Variants in PCDH11X observed in about 807,000 individuals in gnomAD.
The protein encoded by PCDH11X is protocadherin 11 X-linked.
PCDH11X carries 18 observed loss-of-function variants against 53.3 expected under a neutral mutation model. That is an observed-to-expected ratio of 0.34 (90% confidence interval 0.23 to 0.50). The LOEUF is 0.50. PCDH11X is among the 20% of genes least tolerant of loss of function. The pLI, the probability that PCDH11X is intolerant of heterozygous loss-of-function variation, is 0.98. For synonymous variants in PCDH11X, 279 were observed against 393.3 expected, an observed-to-expected ratio of 0.71 and a Z score of 3.44; for missense variants, 570 against 1,032.4, an observed-to-expected ratio of 0.55 and a Z score of 6.14.
chrX:92,322,701 T>C (rs2148494875), intron 8 of PCDH11X, among the ~76,000 whole-genome samples: 1 of 111,583 alleles, frequency 9.0e-6, no homozygotes, highest in South Asian at 3.8e-4. Flanking sequence ...ATACTATTAT[T>C]AATAACGCTC....
At chrX:92,273,452 T>A (rs12845649) in intron 8 of PCDH11X, among the ~76,000 whole-genome samples, 3,862 of 111,556 alleles carry the variant, frequency 0.035, 127 homozygotes, top group East Asian at 0.27. Flanking sequence ...ACTTCAGGCC[T>A]TCTGGTCCTT....
intron 6 of PCDH11X, among the ~76,000 whole-genome samples, chrX:92,032,607 T>C (rs1168544965): frequency 9.0e-6 from 1 of 111,136 alleles, no homozygotes; most frequent in Non-Finnish European, 1.9e-5. Context: ...AGTATGATAC[T>C]CAATGTGGGC....
At chrX:92,508,611 G>C (rs958542561) in intron 10 of PCDH11X, among the ~76,000 whole-genome samples, 2 of 109,616 alleles carry the variant, frequency 1.8e-5, no homozygotes, top group Non-Finnish European at 3.8e-5. Context: ...ATAAAGCTAA[G>C]ACTTAAATAA....
chrX:92,058,269 G>A (rs1409358706), intron 6 of PCDH11X, among the ~76,000 whole-genome samples: 1 of 110,229 alleles, frequency 9.1e-6, no homozygotes, highest in East Asian at 2.9e-4. Flanking sequence ...GGATGGAAGG[G>A]GATTGAGGAG....
At chrX:92,147,820 TTTC>T (rs1336800679) in intron 6 of PCDH11X, among the ~76,000 whole-genome samples, 10 of 83,911 alleles carry the variant, frequency 1.2e-4, no homozygotes, top group African/African-American at 5.8e-4. Flanking sequence ...CCTTTCTTTC[TTTC>T]TTTCTTTCTT....
At chrX:91,885,276 T>C (rs915517585) in intron 6 of PCDH11X, among the ~76,000 whole-genome samples, 1 of 111,648 alleles carries the variant, frequency 9.0e-6, no homozygotes, top group Non-Finnish European at 1.9e-5. Flanking sequence ...AGAACAAGTT[T>C]GCAGTTACTC....
rs187884545 is a variant in PCDH11X at position 92,402,977 on chromosome X, G to C, written c.3343+15044G>C. On this transcript the variant is annotated intron_variant, in intron 9 of 10. Coordinates refer to ENST00000682573, the MANE Select transcript of PCDH11X (RefSeq NM_032968.5). Reference sequence around the variant, plus strand: ...TTATAATTTCATATATTTGCCAAAAGTGTGTGCGTGTGTGTATATATATGT... The same window carrying C: ...TTATAATTTCATATATTTGCCAAAACTGTGTGCGTGTGTGTATATATATGT... 8.1e-3 allele frequency among the ~76,000 whole-genome samples: 895 copies of C among 109,859 alleles called. 15 individuals carry two copies. The highest frequency in any genetic ancestry group is 0.029 in the African/African-American group (865 of 30,153).
intron 10 of PCDH11X, among the ~76,000 whole-genome samples, chrX:92,525,919 T>C (rs1339988441): frequency 1.8e-5 from 2 of 110,962 alleles, no homozygotes; most frequent in Non-Finnish European, 3.8e-5. Flanking sequence ...AAACACGGAG[T>C]GCTACCGGGT....
At chrX:92,560,219 C>T (rs2075112557) in intron 10 of PCDH11X, among the ~76,000 whole-genome samples, 1 of 110,366 alleles carries the variant, frequency 9.1e-6, no homozygotes, top group Non-Finnish European at 1.9e-5. Context: ...GAAGCAAAAC[C>T]ATGGCCTTGA....
chrX:92,587,788 C>T (rs1006231938), intron 10 of PCDH11X, among the ~76,000 whole-genome samples: 2 of 108,437 alleles, frequency 1.8e-5, no homozygotes, highest in African/African-American at 6.7e-5. Context: ...TTCTATTACT[C>T]TGCTGTATAT....
chrX:92,043,709 C>A lies in PCDH11X; in HGVS notation c.3034-157666C>A, dbSNP rs765526328. 2.7e-3 allele frequency among the ~76,000 whole-genome samples: 282 copies of A among 105,539 alleles called. 1 individual carries two copies. Among genetic ancestry groups the A allele is most frequent in the Admixed American group, 6.2e-3 (59 of 9,461 alleles). The allele number at this position is 105,539 out of a possible 115,157, so 91.6% of individuals were successfully genotyped here. On this transcript the variant is annotated intron_variant, in intron 6 of 10. Coordinates refer to ENST00000682573, the MANE Select transcript of PCDH11X (RefSeq NM_032968.5). The stretch of plus-strand genomic sequence containing the variant: ...AATACTAAGTTGTCAATTTATCAGT[C>A]AAAATTATGTGTAACCGCCAGTGTA...
intron 10 of PCDH11X, among the ~76,000 whole-genome samples, chrX:92,470,015 A>C (rs1360740710): frequency 9.2e-6 from 1 of 108,507 alleles, no homozygotes. Flanking sequence ...TCTTAACAAT[A>C]TTTATTTTTC....
intron 6 of PCDH11X, among the ~76,000 whole-genome samples, chrX:92,059,307 A>G (rs909928104): frequency 1.7e-4 from 19 of 111,310 alleles, no homozygotes; most frequent in Admixed American, 3.9e-4. Flanking sequence ...ATATTACATT[A>G]TTTGATCCTC....
At chrX:92,216,404 T>C (rs2066713680) in intron 7 of PCDH11X, among the ~76,000 whole-genome samples, 1 of 104,460 alleles carries the variant, frequency 9.6e-6, no homozygotes, top group Admixed American at 1.0e-4. Flanking sequence ...ATGTGAAGAA[T>C]GCAGAAGCCT....
At chrX:92,082,150 T>C (rs1348890073) in intron 6 of PCDH11X, among the ~76,000 whole-genome samples, 1 of 110,835 alleles carries the variant, frequency 9.0e-6, no homozygotes, top group Non-Finnish European at 1.9e-5. Context: ...GTCTAACTCT[T>C]ATGCACTTAA....
At chrX:92,291,075 T>C (rs1208442581) in intron 8 of PCDH11X, among the ~76,000 whole-genome samples, 1 of 96,136 alleles carries the variant, frequency 1.0e-5, no homozygotes, top group Non-Finnish European at 2.1e-5. Flanking sequence ...CTATTTTTTG[T>C]TGTTGTTGGT....
chrX:92,329,039 A>G (rs1179805013), intron 8 of PCDH11X, among the ~76,000 whole-genome samples: 1 of 111,045 alleles, frequency 9.0e-6, no homozygotes, highest in Non-Finnish European at 1.9e-5. Flanking sequence ...ATTCTTAATG[A>G]ATATTTGGTG....
At chrX:91,886,777 C>T (rs1940219995) in intron 6 of PCDH11X, among the ~76,000 whole-genome samples, 1 of 108,738 alleles carries the variant, frequency 9.2e-6, no homozygotes, top group South Asian at 4.0e-4. Context: ...CGAGACCATC[C>T]TGGCTAACAC....
intron 4 of PCDH11X, among the ~76,000 whole-genome samples, chrX:91,821,214 G>T (rs1446121258): frequency 3.6e-5 from 4 of 110,187 alleles, no homozygotes; most frequent in Admixed American, 9.7e-5. Context: ...GTGAAGAAAG[G>T]CATTGGTAGC....
Sources: gnomAD v4.1 joint callset for allele counts (sites outside exome capture counted in the v4.1 genomes callset) on GRCh38, gnomAD v4.1.1 for gene constraint, MANE v1.5 for transcripts, NCBI Gene and HGNC (gene_info 2026-07-23, HGNC 2026-07-21) for gene names.